The following RRP8 variants were observed in gnomAD, a reference collection of about 807,000 sequenced individuals.
The protein encoded by RRP8 is ribosomal RNA-processing protein 8.
In RRP8, 48 loss-of-function variants were observed where a neutral mutation model predicts 45.0. The ratio of observed to expected loss-of-function variants is 1.07; its 90% CI spans 0.85 to 1.36. The LOEUF (loss-of-function observed/expected upper bound fraction) is 1.36, where lower values mean the gene tolerates loss of function less well. Ranked by LOEUF, RRP8 falls within the 40% of genes most tolerant of loss-of-function variation. The probability of loss-of-function intolerance (pLI) is 0.00; values close to 1 mark genes in which losing one functional copy is unlikely to be tolerated. For synonymous variants in RRP8, 274 were observed against 212.4 expected (o/e 1.29, Z -2.52); for missense variants, 658 against 573.7 (o/e 1.15, Z -1.50).
rs1385198149 is a variant in RRP8 at position 6,599,079 on chromosome 11, C to T, written c.*1067G>A. The stretch of plus-strand genomic sequence containing the variant: ...CAGAGACCCAGCTCCCTCACTACCC[C>T]TCCAAGGACAGAAGCTCAGAATCTA... On this transcript the variant is annotated 3_prime_UTR_variant, in exon 7 of 7. Transcript: ENST00000254605. The T allele has an allele frequency of 1.3e-5, 2 of 152,292 alleles. No individual in the cohort carries two copies. The highest frequency in any genetic ancestry group is 2.9e-5 in the Non-Finnish European group (2 of 68,104). The allele number at this position is 152,292 out of a possible 1,614,324, so 9.4% of individuals were successfully genotyped here.
chr11:6,600,768 A>G lies in RRP8; in HGVS notation c.1055T>C (p.Leu352Pro), dbSNP rs755761102. The change falls in exon 5 of 7, where the codon CTG becomes CCG. Residue 352 changes from leucine to proline, a missense_variant. By Grantham distance (98) the Leu-to-Pro change is moderately conservative. Transcript: ENST00000254605. ...VTVCDMAQVP[L>P]EDESVDVAVF... ...AGCCACATCCACAGACTCATCCTCC[A>G]GAGGAACCTGTGGAGAGTGAGAGTG... 2 of 1,613,928 alleles carry G rather than the reference A, an allele frequency of 1.2e-6. No homozygotes were observed. The highest frequency in any genetic ancestry group is 3.3e-5 in the Admixed American group (2 of 60,028).
rs544367311 is a variant in RRP8, at chr11:6,600,288, G to A, written c.1252-23C>T. ...GTCCTAGGGGCAGAAAAGACCCAGT[G>A]AGAACCAAATCCTCATCCCAACTCC... is the stretch of plus-strand genomic sequence containing the variant. On this transcript the variant is annotated intron_variant, in intron 6 of 6. Coordinates refer to ENST00000254605, the MANE Select transcript of RRP8 (RefSeq NM_015324.4). 2.3e-5 allele frequency: 34 copies of A among 1,504,726 alleles called. No individual in the cohort carries two copies. The South Asian group carries it at 3.7e-4, about 16-fold the overall frequency. 93.2% of individuals were successfully genotyped at this position (1,504,726 alleles called of 1,614,324 possible).
chr11:6,603,416 G>A lies in RRP8; in HGVS notation c.87C>T (p.Ser29=). The change falls in exon 1 of 7, where the codon TCC becomes TCT. Residue 29 remains serine (S), a synonymous_variant. Coordinates refer to ENST00000254605, the MANE Select transcript of RRP8 (RefSeq NM_015324.4). ...PVISRPPPAA[S]SQNKGSKRRQ... ...GCGAGTCACTCACCTTGTTTTGCGA[G>A]GAGGCCGCAGGCGGAGGTCGTGAGA... 2 of 1,602,850 alleles carry A rather than the reference G, an allele frequency of 1.2e-6. No individual in the cohort carries two copies. The highest frequency in any genetic ancestry group is 2.0e-4 in the Middle Eastern group (1 of 5,000).
intron 2 of RRP8, 51 bp downstream of exon 2, chr11:6,601,801 C>T (rs1448133825): frequency 2.0e-6 from 3 of 1,528,078 alleles, no homozygotes; most frequent in Middle Eastern, 1.7e-4. Context: ...AACCAGCTGA[C>T]CCCCCGACAC....
chr11:6,603,545 A>C lies in RRP8; in HGVS notation c.-43T>G. Reference sequence around the variant, plus strand: ...GGTCGCCGAGTCCCCGCTCTTCTCCACGTGCACAGCGCTCCTCTGGAAGTC... The same window carrying C: ...GGTCGCCGAGTCCCCGCTCTTCTCCCCGTGCACAGCGCTCCTCTGGAAGTC... On this transcript the variant is annotated 5_prime_UTR_variant, in exon 1 of 7. Transcript: ENST00000254605. The C allele has an allele frequency of 6.2e-6, 8 of 1,292,584 alleles. No homozygotes were observed. Among genetic ancestry groups the C allele is most frequent in the South Asian group, 1.3e-5 (1 of 77,240 alleles). 80.1% of individuals were successfully genotyped at this position (1,292,584 alleles called of 1,614,324 possible).
rs1001426110 is a variant in RRP8, at chr11:6,595,481, CT to C, written c.*4664del. ...CAAGAAAACTACAGAGACCTCATCC[CT>C]AACATCCTTCAGCTCCAGAACCAAT... On this transcript the variant is annotated 3_prime_UTR_variant, in exon 7 of 7. Coordinates refer to ENST00000254605, the MANE Select transcript of RRP8 (RefSeq NM_015324.4). 2.0e-5 allele frequency: 3 copies of C among 152,068 alleles called. No homozygotes were observed. The highest frequency in any genetic ancestry group is 7.2e-5 in the African/African-American group (3 of 41,382). The allele number at this position is 152,068 out of a possible 1,614,324, so 9.4% of individuals were successfully genotyped here.
rs1296752805 is a variant in RRP8, at chr11:6,602,063, G to A, written c.252C>T (p.Ala84=). ...TCCCTTTCTTCCCTACTTCAGCAGA[G>A]GCACTGGCAAATGATGCCTTTTTGG... ...KCPKKASFAS[A]SAEVGKKGKK... The change falls in exon 2 of 7, where the codon GCC becomes GCT. Residue 84 remains alanine, a synonymous_variant. Coordinates refer to ENST00000254605, the MANE Select transcript of RRP8 (RefSeq NM_015324.4). 13 of 1,613,742 alleles carry A rather than the reference G, an allele frequency of 8.1e-6. No individual in the cohort carries two copies. In the East Asian group the frequency reaches 1.6e-4, roughly 19 times the overall value.
Position 6,603,550 on chromosome 11 carries a change from C to T in RRP8, c.-48G>A. ...CCGAGTCCCCGCTCTTCTCCACGTG[C>T]ACAGCGCTCCTCTGGAAGTCGGAGC... On this transcript the variant is annotated 5_prime_UTR_variant, in exon 1 of 7. Transcript: ENST00000254605. 1 of 1,251,872 alleles carries T rather than the reference C, an allele frequency of 8.0e-7. No individual in the cohort carries two copies. 77.5% of individuals were successfully genotyped at this position (1,251,872 alleles called of 1,614,324 possible). A position where few individuals can be genotyped will look rare whatever the true frequency, so the allele number is the denominator to read the frequency against.
At position 6,597,556 on chromosome 11, in the gene RRP8, G is replaced by C. The variant is rs562263812; in HGVS notation, c.*2590C>G. ...GTTCTCTCTCATCTCAATAGCACTCGACAGCTAACAACCTGCCCATCCTCC... is the reference window on the plus strand; with the variant it reads ...GTTCTCTCTCATCTCAATAGCACTCCACAGCTAACAACCTGCCCATCCTCC... On this transcript the variant is annotated 3_prime_UTR_variant, in exon 7 of 7. Transcript: ENST00000254605. 1 of 133,908 alleles carries C rather than the reference G, an allele frequency of 7.5e-6. No individual in the cohort carries two copies. The highest frequency in any genetic ancestry group is 1.5e-5 in the Non-Finnish European group (1 of 65,762). 8.3% of individuals were successfully genotyped at this position (133,908 alleles called of 1,614,324 possible). A position where few individuals can be genotyped will look rare whatever the true frequency, so the allele number is the denominator to read the frequency against.
rs1193103891 is a variant in RRP8, at chr11:6,598,677, G to C, written c.*1469C>G. 6.6e-6 allele frequency: 1 copy of C among 152,182 alleles called. No homozygotes were observed. Among genetic ancestry groups the C allele is most frequent in the South Asian group, 2.1e-4 (1 of 4,832 alleles). 9.4% of individuals were successfully genotyped at this position (152,182 alleles called of 1,614,324 possible). A position where few individuals can be genotyped will look rare whatever the true frequency, so the allele number is the denominator to read the frequency against. On this transcript the variant is annotated 3_prime_UTR_variant, in exon 7 of 7. Coordinates refer to ENST00000254605, the MANE Select transcript of RRP8 (RefSeq NM_015324.4). ...AGTACGTGTAGAGGCACTGTGTAGT[G>C]CCTGCCTAATGATTCACAGCCCAGC...
In RRP8 at chr11:6,601,142, C is replaced by A; in HGVS notation, c.917+7G>T. 3 of 1,613,798 alleles carry A rather than the reference C, an allele frequency of 1.9e-6. No individual in the cohort carries two copies. In the South Asian group the frequency reaches 3.3e-5, roughly 18 times the overall value. ...ATGGCTTCTCACAGTCCCTGACCCC[C>A]ATTCACCGCTGGCGAAGATCCCTGG... On this transcript the variant is annotated splice_region_variant and intron_variant, in intron 3 of 6. Transcript: ENST00000254605.
Position 6,603,458 on chromosome 11 carries a change from C to G in RRP8, c.45G>C (p.Ala15=). 6.2e-7 allele frequency: 1 copy of G among 1,603,080 alleles called. No individual in the cohort carries two copies. The highest frequency in any genetic ancestry group is 8.5e-7 in the Non-Finnish European group (1 of 1,175,918). ...GTCGTGAGATTACGGGCCCAAGGCCCGCGGCTACTGGGGCCGCCTCGGCCC... is the reference window on the plus strand; with the variant it reads ...GTCGTGAGATTACGGGCCCAAGGCCGGCGGCTACTGGGGCCGCCTCGGCCC... ...PEWAEAAPVA[A]GLGPVISRPP... The change falls in exon 1 of 7, where the codon GCG becomes GCC. Residue 15 remains alanine, a synonymous_variant. Coordinates refer to ENST00000254605, the MANE Select transcript of RRP8 (RefSeq NM_015324.4).
At position 6,601,520 on chromosome 11, in the gene RRP8, T is replaced by G. The variant is rs1281454372; in HGVS notation, c.546A>C (p.Thr182=). Residue 182 remains threonine (T), a synonymous_variant, in exon 3 of 7, where the codon ACA becomes ACC. Transcript: ENST00000254605. Reference sequence around the variant, plus strand: ...GGTTCCGCCACTGCTTGCGGCTTAATGTATGAGGGGGTTTAGGGGAAGTGG... The same window carrying G: ...GGTTCCGCCACTGCTTGCGGCTTAAGGTATGAGGGGGTTTAGGGGAAGTGG... ...PGSTSPKPPH[T]LSRKQWRNRQ... is the part of the protein sequence containing the mutation. 2.5e-6 allele frequency: 4 copies of G among 1,611,374 alleles called. No homozygotes were observed. Among genetic ancestry groups the G allele is most frequent in the East Asian group, 2.2e-5 (1 of 44,874 alleles).
At chr11:6,603,152 A>T (rs1348047377) in intron 1 of RRP8, among the ~76,000 whole-genome samples, 2 of 152,228 alleles carry the variant, frequency 1.3e-5, no homozygotes, top group African/African-American at 4.8e-5. Flanking sequence ...CTGACAGAAC[A>T]TGCTCTCTTG....
At chr11:6,600,413 C>A (rs756840477) in intron 6 of RRP8, 73 bp downstream of exon 6, 53 of 1,458,002 alleles carry the variant, frequency 3.6e-5, no homozygotes, top group Non-Finnish European at 4.7e-5. Flanking sequence ...CCTAAAGCCT[C>A]CTTCCTGAAC....
rs887432628 is a variant in RRP8 at position 6,598,242 on chromosome 11, A to G, written c.*1904T>C. 1.3e-5 allele frequency: 2 copies of G among 152,080 alleles called. No individual in the cohort carries two copies. Among genetic ancestry groups the G allele is most frequent in the African/African-American group, 4.8e-5 (2 of 41,388 alleles). The allele number at this position is 152,080 out of a possible 1,614,324, so 9.4% of individuals were successfully genotyped here. On this transcript the variant is annotated 3_prime_UTR_variant, in exon 7 of 7. Coordinates refer to ENST00000254605, the MANE Select transcript of RRP8 (RefSeq NM_015324.4). ...TCTTACCAACCTCAACATCCCACCA[A>G]TTCTACCTAATGAAGTTCTCCTGTC...
chr11:6,603,606 CA>C lies in RRP8; in HGVS notation c.-105del. 1 of 657,702 alleles carries C rather than the reference CA, an allele frequency of 1.5e-6. No individual in the cohort carries two copies. The highest frequency in any genetic ancestry group is 2.5e-6 in the Non-Finnish European group (1 of 403,888). The allele number at this position is 657,702 out of a possible 1,614,324, so 40.7% of individuals were successfully genotyped here. A position where few individuals can be genotyped will look rare whatever the true frequency, so the allele number is the denominator to read the frequency against. ...GACCTGCCAGAACCGACCCGGAAAC[CA>C]AAGCGTGACAGCCAGGGGTTGCTAG... On this transcript the variant is annotated 5_prime_UTR_variant, in exon 1 of 7. Coordinates refer to ENST00000254605, the MANE Select transcript of RRP8 (RefSeq NM_015324.4).
Position 6,600,551 on chromosome 11 carries a change from G to A in RRP8, c.1186C>T (p.Arg396Cys), listed in dbSNP as rs1324069072. ...GLLKVAEVSS[R>C]FEDVRTFLRA... ...AGAAAGGTTCGAACATCCTCAAAGC[G>A]GCTGCTGACCTCAGCCACTTTCAGG... is the stretch of plus-strand genomic sequence containing the variant. The change falls in exon 6 of 7, where the codon CGC (arginine) becomes TGC (cysteine). Residue 396 changes from arginine (R) to cysteine (C), a missense_variant. Coordinates refer to ENST00000254605, the MANE Select transcript of RRP8 (RefSeq NM_015324.4). 18 of 1,613,910 alleles carry A rather than the reference G, an allele frequency of 1.1e-5. No individual in the cohort carries two copies. The highest frequency in any genetic ancestry group is 2.2e-5 in the South Asian group (2 of 91,064).
Position 6,597,258 on chromosome 11 carries a change from G to A in RRP8, c.*2888C>T, listed in dbSNP as rs764867690. 7.2e-5 allele frequency: 11 copies of A among 152,156 alleles called. No individual in the cohort carries two copies. Among genetic ancestry groups the A allele is most frequent in the Non-Finnish European group, 1.5e-4 (10 of 68,054 alleles). The allele number at this position is 152,156 out of a possible 1,614,324, so 9.4% of individuals were successfully genotyped here. A position where few individuals can be genotyped will look rare whatever the true frequency, so the allele number is the denominator to read the frequency against. On this transcript the variant is annotated 3_prime_UTR_variant, in exon 7 of 7. Transcript: ENST00000254605. ...GATTGCTCTGGGCCCAAGTGATGAG[G>A]AGAGGTAAACAGATAAATCATTTTG...
Sources: allele counts gnomAD v4.1 joint callset (sites outside exome capture counted in the v4.1 genomes callset), GRCh38; gene constraint gnomAD v4.1.1; transcripts MANE v1.5; gene names NCBI Gene and HGNC (gene_info 2026-07-23, HGNC 2026-07-21).